The following PPP2R2B variants were observed in gnomAD, a reference collection of about 807,000 sequenced individuals.
The protein encoded by PPP2R2B is serine/threonine-protein phosphatase 2A 55 kDa regulatory subunit B beta isoform.
PPP2R2B carries 5 observed loss-of-function variants against 46.0 expected under a neutral mutation model. The observed-to-expected ratio is 0.11, with a 90% CI of 0.06 to 0.23. PPP2R2B has a LOEUF of 0.23. Ranked by LOEUF, PPP2R2B falls within the 10% of genes least tolerant of loss-of-function variation. The pLI is 1.00. For missense variants in PPP2R2B, 367 were observed against 575.0 expected, an observed-to-expected ratio of 0.64 and a Z score of 3.70; for synonymous variants, 215 against 206.7, an observed-to-expected ratio of 1.04 and a Z score of -0.34.
intron 7 of PPP2R2B, among the ~76,000 whole-genome samples, chr5:146,633,598 T>C (rs1774586802): frequency 1.3e-5 from 2 of 152,264 alleles, no homozygotes; most frequent in South Asian, 2.1e-4. Context: ...ATTAGCAGGC[T>C]GGCAGCTTGC....
Position 146,730,124 on chromosome 5 carries a change from G to T in PPP2R2B, c.71-28982C>A, listed in dbSNP as rs1021346305. Among the ~76,000 whole-genome samples the T allele has an allele frequency of 3.9e-5, 6 of 152,180 alleles. No individual in the cohort carries two copies. In the East Asian group the frequency reaches 1.2e-3, roughly 29 times the overall value. On this transcript the variant is annotated intron_variant, in intron 2 of 9. Transcript: ENST00000394411. ...CTGCCTAAGACTCTTACATCAGTGT[G>T]ACCTGGATATGAGACCTGGAGTCAA...
At chr5:146,938,825 G>A (rs535171460) in intron 1 of PPP2R2B, among the ~76,000 whole-genome samples, 5 of 126,386 alleles carry the variant, frequency 4.0e-5, no homozygotes, top group African/African-American at 1.5e-4. Flanking sequence ...GTGATGGAGT[G>A]CATGGAGTGC....
chr5:147,017,255 G>A (rs2151882557), intron 1 of PPP2R2B, among the ~76,000 whole-genome samples: 1 of 151,622 alleles, frequency 6.6e-6, no homozygotes, highest in South Asian at 2.1e-4. Context: ...GGAGGAACCT[G>A]GGTTTCTATT....
chr5:146,987,274 G>A (rs1042501483), intron 1 of PPP2R2B, among the ~76,000 whole-genome samples: 5 of 151,910 alleles, frequency 3.3e-5, no homozygotes, highest in African/African-American at 1.2e-4. Context: ...CAATCTGAAG[G>A]AAAAAGACAC....
At chr5:146,609,797 C>T (rs1212768555) in intron 7 of PPP2R2B, among the ~76,000 whole-genome samples, 3 of 132,262 alleles carry the variant, frequency 2.3e-5, no homozygotes, top group Admixed American at 7.7e-5. Context: ...GCTTAAGAAA[C>T]GGCGCACCAC....
intron 2 of PPP2R2B, among the ~76,000 whole-genome samples, chr5:146,837,548 T>C (rs1759360563): frequency 6.6e-6 from 1 of 152,182 alleles, no homozygotes; most frequent in Non-Finnish European, 1.5e-5. Flanking sequence ...GTGAGACACA[T>C]ATGTGGTTTA....
intron 1 of PPP2R2B, among the ~76,000 whole-genome samples, chr5:147,003,314 C>G (rs1754276493): frequency 6.6e-6 from 1 of 152,012 alleles, no homozygotes; most frequent in Admixed American, 6.6e-5. Flanking sequence ...CCAAAAAAAC[C>G]CCCGGGCTAT....
intron 8 of PPP2R2B, among the ~76,000 whole-genome samples, chr5:146,595,243 C>A (rs1470227855): frequency 3.3e-5 from 5 of 152,130 alleles, no homozygotes; most frequent in Non-Finnish European, 7.4e-5. Context: ...CTGTGTCCTG[C>A]CCTTACAGAG....
At chr5:146,821,216 T>G (rs1485927155) in intron 2 of PPP2R2B, among the ~76,000 whole-genome samples, 1 of 152,158 alleles carries the variant, frequency 6.6e-6, no homozygotes, top group Non-Finnish European at 1.5e-5. Context: ...CTTACACACA[T>G]GTACAATTGC....
At chr5:146,870,463 C>T (rs1211579609) in intron 2 of PPP2R2B, among the ~76,000 whole-genome samples, 1 of 152,182 alleles carries the variant, frequency 6.6e-6, no homozygotes, top group Non-Finnish European at 1.5e-5. Flanking sequence ...AAGAAGTTGG[C>T]TATACATGGG....
At chr5:146,832,632 C>G (rs1561942918) in intron 2 of PPP2R2B, among the ~76,000 whole-genome samples, 1 of 151,876 alleles carries the variant, frequency 6.6e-6, no homozygotes, top group Non-Finnish European at 1.5e-5. Flanking sequence ...CTTAGGAGAT[C>G]CACCTGCCTC....
At chr5:146,971,136 T>C (rs1752644056) in intron 1 of PPP2R2B, among the ~76,000 whole-genome samples, 1 of 152,248 alleles carries the variant, frequency 6.6e-6, no homozygotes, top group Non-Finnish European at 1.5e-5. Flanking sequence ...GTACAAAGAA[T>C]GCTGCATCTT....
At chr5:147,057,626 A>G (rs1197994210), upstream of PPP2R2B, among the ~76,000 whole-genome samples, 1 of 152,366 alleles carries the variant, frequency 6.6e-6, no homozygotes, top group East Asian at 1.9e-4. Context: ...AAGAAGTGAG[A>G]CAATAGGCAT....
At chr5:146,692,502 G>T (rs1273675810) in intron 4 of PPP2R2B, among the ~76,000 whole-genome samples, 4 of 150,106 alleles carry the variant, frequency 2.7e-5, no homozygotes, top group Non-Finnish European at 5.9e-5. Context: ...GGAATGGCGT[G>T]CCCTACATGC....
At chr5:146,997,796 G>A (rs1277485964) in intron 1 of PPP2R2B, among the ~76,000 whole-genome samples, 1 of 152,078 alleles carries the variant, frequency 6.6e-6, no homozygotes, top group Non-Finnish European at 1.5e-5. Context: ...TATAGACAAA[G>A]GAGGAAAGAA....
At chr5:146,699,348 G>C (rs1053064255) in intron 3 of PPP2R2B, among the ~76,000 whole-genome samples, 8 of 152,132 alleles carry the variant, frequency 5.3e-5, no homozygotes, top group South Asian at 4.2e-4. Context: ...TGTCACATGG[G>C]TTTGTTTCTC....
chr5:146,605,502 T>C (rs752626378), intron 7 of PPP2R2B, among the ~76,000 whole-genome samples: 1 of 152,194 alleles, frequency 6.6e-6, no homozygotes, highest in African/African-American at 2.4e-5. Flanking sequence ...TCAAATAAGC[T>C]TGGGAAACCT....
chr5:146,681,613 A>T lies in PPP2R2B; in HGVS notation c.447+9515T>A, dbSNP rs74334957. Among the ~76,000 whole-genome samples the T allele has an allele frequency of 4.4e-4, 67 of 152,346 alleles. 1 individual carries two copies. The East Asian group carries it at 0.012, about 27-fold the overall frequency. On this transcript the variant is annotated intron_variant, in intron 5 of 9. Transcript: ENST00000394411. ...TGATTTTTCACTTCCTTTGAAAAGT[A>T]TACAGAGAGCCCTTTAAATGAAAAG... is the stretch of plus-strand genomic sequence containing the variant.
intron 5 of PPP2R2B, among the ~76,000 whole-genome samples, chr5:146,678,306 A>G (rs1011452999): frequency 2.7e-5 from 4 of 150,700 alleles, no homozygotes; most frequent in African/African-American, 7.5e-5. Flanking sequence ...TGCTTATCTC[A>G]ATAGATGCAG....
Sources: gnomAD v4.1 joint callset for allele counts (sites outside exome capture counted in the v4.1 genomes callset) on GRCh38, gnomAD v4.1.1 for gene constraint, MANE v1.5 for transcripts, NCBI Gene and HGNC (gene_info 2026-07-23, HGNC 2026-07-21) for gene names.